The following ADAMTS17 variants were observed in gnomAD, a reference collection of about 807,000 sequenced individuals.
ADAMTS17 encodes A disintegrin and metalloproteinase with thrombospondin motifs 17.
ADAMTS17 carries 113 observed loss-of-function variants against 141.5 expected under a neutral mutation model. The ratio of observed to expected loss-of-function variants is 0.80; its 90% CI spans 0.69 to 0.93. ADAMTS17 has a LOEUF of 0.93. Among genes scored for constraint, ADAMTS17 ranks in the 40% least tolerant of loss-of-function variants. The pLI is 0.00. For synonymous variants in ADAMTS17, 768 were observed against 630.6 expected (o/e 1.22, Z -3.27); for missense variants, 1,659 against 1,517.9 (o/e 1.09, Z -1.54).
intron 13 of ADAMTS17, among the ~76,000 whole-genome samples, chr15:100,111,480 T>G (rs2036778026): frequency 1.3e-5 from 2 of 152,242 alleles, no homozygotes; most frequent in Non-Finnish European, 2.9e-5. Context: ...ACAGGGTCAC[T>G]GAGGTACCCT....
chr15:100,139,649 C>T (rs191887980), intron 10 of ADAMTS17, among the ~76,000 whole-genome samples: 41 of 152,354 alleles, frequency 2.7e-4, no homozygotes, highest in Admixed American at 2.6e-3. Flanking sequence ...GCTAGCATCA[C>T]CAGTAACGAG....
intron 3 of ADAMTS17, among the ~76,000 whole-genome samples, chr15:100,322,818 T>G (rs2045771298): frequency 6.6e-6 from 1 of 152,236 alleles, no homozygotes; most frequent in Non-Finnish European, 1.5e-5. Flanking sequence ...CCAGGCGTGG[T>G]GGCTCACACC....
intron 15 of ADAMTS17, among the ~76,000 whole-genome samples, chr15:100,081,083 T>TG (rs758509572): frequency 3.9e-5 from 6 of 152,140 alleles, no homozygotes; most frequent in Non-Finnish European, 7.4e-5. Flanking sequence ...GTCAGGGGGC[T>TG]GGGGAAGGCA....
At chr15:100,199,870 A>G (rs1355472804) in intron 7 of ADAMTS17, among the ~76,000 whole-genome samples, 1 of 151,560 alleles carries the variant, frequency 6.6e-6, no homozygotes, top group African/African-American at 2.4e-5. Context: ...AGAGGCCCTG[A>G]CTCCCCTCAG....
intron 15 of ADAMTS17, among the ~76,000 whole-genome samples, chr15:100,067,933 G>A (rs1028060941): frequency 2.6e-5 from 4 of 152,186 alleles, no homozygotes; most frequent in African/African-American, 4.8e-5. Flanking sequence ...TGCACTGAGC[G>A]TGAGCTGAAG....
chr15:100,060,529 G>A (rs2033035545), intron 15 of ADAMTS17, among the ~76,000 whole-genome samples: 1 of 152,204 alleles, frequency 6.6e-6, no homozygotes, highest in Non-Finnish European at 1.5e-5. Context: ...GCTGGCTGGA[G>A]GCAGATGCGA....
intron 18 of ADAMTS17, among the ~76,000 whole-genome samples, chr15:100,005,437 C>A (rs2061019416): frequency 6.6e-6 from 1 of 152,128 alleles, no homozygotes; most frequent in African/African-American, 2.4e-5. Context: ...CATGCTGCCC[C>A]ATTCCTTCTT....
chr15:100,138,040 C>T (rs1289333062), intron 10 of ADAMTS17, among the ~76,000 whole-genome samples: 9 of 152,214 alleles, frequency 5.9e-5, no homozygotes, highest in Non-Finnish European at 1.2e-4. Context: ...TCAGTTGGCA[C>T]TGAAGTTGGG....
At chr15:100,008,021 C>T (rs932423200) in intron 18 of ADAMTS17, among the ~76,000 whole-genome samples, 2 of 152,092 alleles carry the variant, frequency 1.3e-5, no homozygotes, top group Non-Finnish European at 2.9e-5. Flanking sequence ...ACCTGTAGTG[C>T]TGGGGCCTGA....
intron 3 of ADAMTS17, among the ~76,000 whole-genome samples, chr15:100,294,690 G>A (rs2044750687): frequency 6.6e-6 from 1 of 152,212 alleles, no homozygotes; most frequent in Admixed American, 6.5e-5. Flanking sequence ...ATGGGCGACA[G>A]AGCAAGACCC....
chr15:100,152,683 T>C lies in ADAMTS17; in HGVS notation c.1402A>G (p.Met468Val), dbSNP rs1264169881. Residue 468 changes from methionine to valine, a missense_variant, in exon 10 of 22, where the codon ATG (methionine) becomes GTG (valine). Met to Val is a conservative substitution (Grantham distance 21). Coordinates refer to ENST00000268070, the MANE Select transcript of ADAMTS17 (RefSeq NM_139057.4). The part of the protein sequence containing the change: ...TVRLPHKLPG[M>V]HYSANEQCQI... ...CACTGCTCGTTGGCACTGTAGTGCATGCCCGGCAGCTTGTGCGGGAGGCGT... is the reference window on the plus strand; with the variant it reads ...CACTGCTCGTTGGCACTGTAGTGCACGCCCGGCAGCTTGTGCGGGAGGCGT... The C allele has an allele frequency of 3.7e-6, 6 of 1,614,104 alleles. No individual in the cohort carries two copies. Among genetic ancestry groups the C allele is most frequent in the African/African-American group, 1.3e-5 (1 of 74,954 alleles).
chr15:100,027,732 C>G (rs1035381413), intron 18 of ADAMTS17, among the ~76,000 whole-genome samples: 2 of 152,248 alleles, frequency 1.3e-5, no homozygotes, highest in Admixed American at 6.5e-5. Context: ...ATGGATACAG[C>G]GTCCTCAGCT....
chr15:100,167,761 A>G lies in ADAMTS17; in HGVS notation c.1182-12441T>C, dbSNP rs2040006787. On this transcript the variant is annotated intron_variant, in intron 8 of 21. Transcript: ENST00000268070. ...AATTCAATGCGGCAGAGCAAGGGAG[A>G]TAATTATGGGAAAAGGTCTTGTGAG... Among the ~76,000 whole-genome samples, 3 of 152,362 alleles carry G rather than the reference A, an allele frequency of 2.0e-5. No individual in the cohort carries two copies. The South Asian group carries it at 6.2e-4, about 32-fold the overall frequency.
At chr15:100,013,442 T>A (rs898237391) in intron 18 of ADAMTS17, among the ~76,000 whole-genome samples, 6 of 152,104 alleles carry the variant, frequency 3.9e-5, no homozygotes, top group African/African-American at 1.4e-4. Flanking sequence ...GTAGTGAGAG[T>A]GGGCATCCTT....
intron 20 of ADAMTS17, chr15:99,978,968 T>C (rs1217040655): frequency 6.6e-6 from 1 of 152,010 alleles, no homozygotes; most frequent in Non-Finnish European, 1.5e-5. Context: ...TGTTAAGGAG[T>C]AGTTGTGTCT....
At chr15:100,316,419 G>A (rs1180041751) in intron 3 of ADAMTS17, among the ~76,000 whole-genome samples, 9 of 152,222 alleles carry the variant, frequency 5.9e-5, no homozygotes, top group Non-Finnish European at 1.0e-4. Flanking sequence ...CGTGGGTCAC[G>A]TCTGGGGAGC....
chr15:100,335,883 G>A (rs2046194109), intron 2 of ADAMTS17, among the ~76,000 whole-genome samples: 1 of 152,202 alleles, frequency 6.6e-6, no homozygotes, highest in Admixed American at 6.5e-5. Context: ...AAGCAAGAAT[G>A]TGACTATGCA....
In ADAMTS17 at chr15:100,321,587, A is replaced by G. The variant is rs1369212259; in HGVS notation, c.616+9302T>C. On this transcript the variant is annotated intron_variant, in intron 3 of 21. Coordinates refer to ENST00000268070, the MANE Select transcript of ADAMTS17 (RefSeq NM_139057.4). ...TTAGCTGAAAACATCTGGAAGGACA[A>G]AAGTATTGGCAGGGATAAAAATGGC... Among the ~76,000 whole-genome samples the G allele has an allele frequency of 2.0e-5, 3 of 152,348 alleles. No individual in the cohort carries two copies. In the East Asian group the frequency reaches 5.8e-4, roughly 29 times the overall value.
intron 4 of ADAMTS17, among the ~76,000 whole-genome samples, chr15:100,262,773 T>C (rs1407448246): frequency 1.3e-5 from 2 of 149,726 alleles, no homozygotes; most frequent in African/African-American, 4.9e-5. Context: ...GGTTGTACTC[T>C]TCCAGTACTA....
Sources: gnomAD v4.1 joint callset for allele counts (sites outside exome capture counted in the v4.1 genomes callset) on GRCh38, gnomAD v4.1.1 for gene constraint, MANE v1.5 for transcripts, NCBI Gene and HGNC (gene_info 2026-07-23, HGNC 2026-07-21) for gene names.